The following RBFOX1 variants were observed in gnomAD, a reference collection of about 807,000 sequenced individuals.
RBFOX1 encodes the protein RNA binding protein fox-1 homolog 1.
RBFOX1 carries 8 observed loss-of-function variants against 57.7 expected under a neutral mutation model. The observed-to-expected ratio is 0.14, with a 90% CI of 0.08 to 0.25. The LOEUF (loss-of-function observed/expected upper bound fraction) is 0.25, where lower values mean the gene tolerates loss of function less well. RBFOX1 is among the 10% of genes least tolerant of loss of function. The pLI is 1.00. For synonymous variants in RBFOX1, 326 were observed against 222.4 expected, an observed-to-expected ratio of 1.47 and a Z score of -4.15; for missense variants, 611 against 548.5, an observed-to-expected ratio of 1.11 and a Z score of -1.14.
intron 3 of RBFOX1, among the ~76,000 whole-genome samples, chr16:6,674,438 C>T (rs115081397): frequency 0.016 from 2,457 of 152,166 alleles, 77 homozygotes; most frequent in African/African-American, 0.056. Context: ...TCTCCTGCCC[C>T]AGTCTCCTGA....
At chr16:5,785,373 G>C (rs1219054352) in intron 3 of RBFOX1, among the ~76,000 whole-genome samples, 1 of 152,104 alleles carries the variant, frequency 6.6e-6, no homozygotes, top group African/African-American at 2.4e-5. Flanking sequence ...TCCCTTCCAG[G>C]CATGGGGGTG....
chr16:6,582,202 AT>A (rs2097545984), intron 2 of RBFOX1, among the ~76,000 whole-genome samples: 1 of 152,208 alleles, frequency 6.6e-6, no homozygotes, highest in Admixed American at 6.5e-5. Context: ...TTTCCAAAGA[AT>A]TTTTATCACT....
At chr16:6,099,484 C>T (rs768509259) in intron 1 of RBFOX1, among the ~76,000 whole-genome samples, 4 of 152,108 alleles carry the variant, frequency 2.6e-5, no homozygotes, top group Admixed American at 6.5e-5. Context: ...GGAATTAAAT[C>T]CATAGAGGCA....
intron 2 of RBFOX1, among the ~76,000 whole-genome samples, chr16:5,574,426 T>C (rs569886305): frequency 6.7e-3 from 48 of 7,174 alleles, no homozygotes; most frequent in African/African-American, 8.8e-3. Flanking sequence ...CTTTTTTTTC[T>C]TTTTTTTTTT....
rs183048005 is a variant in RBFOX1, at chr16:5,859,704, C to T, written c.319-7599C>T. On this transcript the variant is annotated intron_variant, in intron 3 of 19. Coordinates refer to the RBFOX1 transcript ENST00000641259. ...GCACCTTGAACATATTGTTTTGCTT[C>T]TTACAGCAGTCTTATAAAATGCTAT... 3.9e-5 allele frequency among the ~76,000 whole-genome samples: 6 copies of T among 152,308 alleles called. No individual in the cohort carries two copies. In the East Asian group the frequency reaches 1.2e-3, roughly 29 times the overall value.
chr16:7,477,632 C>G (rs923588414), intron 4 of RBFOX1, among the ~76,000 whole-genome samples: 4 of 152,190 alleles, frequency 2.6e-5, no homozygotes, highest in African/African-American at 9.7e-5. Context: ...CTGCTCTCAC[C>G]TTATTACGAT....
chr16:6,165,068 A>G (rs1481523047), intron 1 of RBFOX1, among the ~76,000 whole-genome samples: 1 of 152,136 alleles, frequency 6.6e-6, no homozygotes, highest in Non-Finnish European at 1.5e-5. Flanking sequence ...TTGAGGCGTG[A>G]TTATGGTTTT....
At position 6,155,439 on chromosome 16, in the gene RBFOX1, G is replaced by C. The variant is rs568774140; in HGVS notation, c.-127+135447G>C. Among the ~76,000 whole-genome samples the C allele has an allele frequency of 1.2e-4, 19 of 152,326 alleles. No individual in the cohort carries two copies. The South Asian group carries it at 3.7e-3, about 30-fold the overall frequency. On this transcript the variant is annotated intron_variant, in intron 1 of 15. Coordinates refer to ENST00000550418, the MANE Select transcript of RBFOX1 (RefSeq NM_018723.4). The stretch of plus-strand genomic sequence containing the variant: ...AAGTAGAGACCTCAAGATGTACAGC[G>C]TGTGTTTTATGATCCGGAAGGTAGA...
At chr16:6,863,955 CA>C (rs1420535663) in intron 3 of RBFOX1, among the ~76,000 whole-genome samples, 1 of 150,236 alleles carries the variant, frequency 6.7e-6, no homozygotes, top group Non-Finnish European at 1.5e-5. Flanking sequence ...CCTTCTCTTG[CA>C]AAATCCTCAC....
At chr16:7,608,561 C>T (rs2056808307) in intron 10 of RBFOX1, among the ~76,000 whole-genome samples, 1 of 152,136 alleles carries the variant, frequency 6.6e-6, no homozygotes, top group African/African-American at 2.4e-5. Flanking sequence ...ATATTGCAAA[C>T]CCTACCACCT....
intron 10 of RBFOX1, among the ~76,000 whole-genome samples, chr16:7,619,919 G>C (rs1419176719): frequency 1.3e-5 from 2 of 152,186 alleles, no homozygotes; most frequent in East Asian, 1.9e-4. Context: ...CTGCCGGACA[G>C]GAATCCTAGC....
At chr16:7,215,718 A>G (rs1384250361) in intron 4 of RBFOX1, among the ~76,000 whole-genome samples, 1 of 134,182 alleles carries the variant, frequency 7.5e-6, no homozygotes, top group Non-Finnish European at 1.5e-5. Flanking sequence ...GAATTGGCCT[A>G]TTCTGGATTT....
intron 2 of RBFOX1, among the ~76,000 whole-genome samples, chr16:6,433,748 C>G (rs758451705): frequency 6.6e-6 from 1 of 152,004 alleles, no homozygotes; most frequent in Non-Finnish European, 1.5e-5. Flanking sequence ...CTTTCCTTGG[C>G]TCATGGTCCC....
chr16:5,559,160 C>T (rs1157972731), intron 2 of RBFOX1, among the ~76,000 whole-genome samples: 1 of 124,716 alleles, frequency 8.0e-6, no homozygotes, highest in Non-Finnish European at 1.6e-5. Context: ...GAGAACCCCC[C>T]CAGGCAAAAA....
intron 14 of RBFOX1, among the ~76,000 whole-genome samples, chr16:7,699,473 C>G: frequency 6.6e-6 from 1 of 152,134 alleles, no homozygotes; most frequent in Non-Finnish European, 1.5e-5. Flanking sequence ...AGTACAGGCA[C>G]GGGCCCACCA....
At chr16:6,152,712 C>T (rs1404094863) in intron 1 of RBFOX1, among the ~76,000 whole-genome samples, 3 of 152,190 alleles carry the variant, frequency 2.0e-5, no homozygotes, top group Non-Finnish European at 4.4e-5. Flanking sequence ...ATGTGGAACA[C>T]ATCTTCCACG....
At chr16:7,449,781 C>A (rs2098837515) in intron 4 of RBFOX1, among the ~76,000 whole-genome samples, 1 of 148,382 alleles carries the variant, frequency 6.7e-6, no homozygotes, top group African/African-American at 2.5e-5. Flanking sequence ...TTTCACCCAT[C>A]CTGCAGAAAA....
chr16:6,002,007 C>CTGGG (rs2060609190), intron 4 of RBFOX1, among the ~76,000 whole-genome samples: 1 of 144,830 alleles, frequency 6.9e-6, no homozygotes, highest in East Asian at 2.0e-4. Flanking sequence ...TGCTCTGTCA[C>CTGGG]TCAGGCTGGA....
At chr16:5,535,107 A>G (rs1042023481) in intron 2 of RBFOX1, among the ~76,000 whole-genome samples, 1 of 152,246 alleles carries the variant, frequency 6.6e-6, no homozygotes, top group Non-Finnish European at 1.5e-5. Context: ...CCAATACAGT[A>G]GCTGATAAAC....
Sources: allele counts gnomAD v4.1 joint callset (sites outside exome capture counted in the v4.1 genomes callset), GRCh38; gene constraint gnomAD v4.1.1; transcripts MANE v1.5; gene names NCBI Gene and HGNC (gene_info 2026-07-23, HGNC 2026-07-21).